The following PARVB variants were observed in gnomAD, a reference collection of about 807,000 sequenced individuals.
PARVB encodes the protein parvin beta.
In PARVB, 46 loss-of-function variants were observed where a neutral mutation model predicts 47.0. That is an observed-to-expected ratio of 0.98 (90% CI 0.77 to 1.25). The LOEUF (loss-of-function observed/expected upper bound fraction) is 1.25, where lower values mean the gene tolerates loss of function less well. Among genes scored for constraint, PARVB ranks in the 50% most tolerant of loss-of-function variants. The probability of loss-of-function intolerance (pLI) is 0.00; values close to 1 mark genes in which losing one functional copy is unlikely to be tolerated. For missense variants in PARVB, 473 were observed against 471.6 expected (o/e 1.00, Z -0.03); for synonymous variants, 196 against 196.3 (o/e 1.00, Z 0.01).
At chr22:44,132,555 T>G (rs958851901) in intron 5 of PARVB, among the ~76,000 whole-genome samples, 1 of 152,154 alleles carries the variant, frequency 6.6e-6, no homozygotes, top group African/African-American at 2.4e-5. Context: ...TTGTGATGGG[T>G]AAGTGGCCGT....
intron 6 of PARVB, 38 bp downstream of exon 6, chr22:44,133,047 G>A (rs749631951): frequency 1.7e-5 from 24 of 1,407,496 alleles, no homozygotes; most frequent in East Asian, 2.4e-5. Flanking sequence ...CTGTAACTCC[G>A]CCAGAGAGGC....
chr22:44,171,496 A>AAAAG lies in PARVB; in HGVS notation c.*2821_*2822insGAAA, dbSNP rs2054268504. On this transcript the variant is annotated 3_prime_UTR_variant, in exon 13 of 13. Coordinates refer to ENST00000338758, the MANE Select transcript of PARVB (RefSeq NM_013327.5). ...AGCAACAGAGTGAGACTCTGTCTCAAAAAAAAAAAAGAAAGAAAAAAGAAA... is the reference window on the plus strand; with the variant it reads ...AGCAACAGAGTGAGACTCTGTCTCAAAAAGAAAAAAAAAAGAAAGAAAAAAGAAA... 6.6e-6 allele frequency: 1 copy of AAAAG among 150,620 alleles called. No individual in the cohort carries two copies. The highest frequency in any genetic ancestry group is 6.6e-5 in the Admixed American group (1 of 15,082). The allele number at this position is 150,620 out of a possible 1,614,324, so 9.3% of individuals were successfully genotyped here.
At chr22:43,999,810 A>G (rs939052815) in intron 2 of PARVB, 3 of 433,800 alleles carry the variant, frequency 6.9e-6, no homozygotes, top group Non-Finnish European at 8.2e-6. Context: ...TACTCTGCAC[A>G]ACATAGTGAA....
chr22:44,141,990 C>T (rs369225700), intron 8 of PARVB: 4 of 152,232 alleles, frequency 2.6e-5, no homozygotes, highest in East Asian at 1.9e-4. Flanking sequence ...GGTAGAGGCG[C>T]GTTTTGGGGG....
intron 1 of PARVB, among the ~76,000 whole-genome samples, chr22:44,037,589 C>T (rs2050944086): frequency 6.6e-6 from 1 of 152,174 alleles, no homozygotes; most frequent in African/African-American, 2.4e-5. Context: ...TGGTTATTCC[C>T]ATTTTGCAGA....
At chr22:44,087,214 G>A (rs1485913858) in intron 1 of PARVB, among the ~76,000 whole-genome samples, 1 of 152,176 alleles carries the variant, frequency 6.6e-6, no homozygotes, top group African/African-American at 2.4e-5. Flanking sequence ...GTTCAGACGG[G>A]GCCCTCTGAA....
rs1256051929 is a variant in PARVB at position 44,068,596 on chromosome 22, T to A, written c.113-25332T>A. ...TGGAAACGGGGTGGCAAGTGTTCCA[T>A]GTGTTAGCATTTGGTCCTCCTGACG... is the stretch of plus-strand genomic sequence containing the variant. On this transcript the variant is annotated intron_variant, in intron 1 of 12. Coordinates refer to ENST00000338758, the MANE Select transcript of PARVB (RefSeq NM_013327.5). The surrounding 1 kb of genome is among the most constrained non-coding windows in gnomAD (Gnocchi z 4.1). Among the ~76,000 whole-genome samples the A allele has an allele frequency of 6.6e-6, 1 of 152,176 alleles. No individual in the cohort carries two copies. The highest frequency in any genetic ancestry group is 1.5e-5 in the Non-Finnish European group (1 of 68,030).
chr22:44,004,399 C>A (rs900893163), intron 2 of PARVB, among the ~76,000 whole-genome samples: 1 of 151,870 alleles, frequency 6.6e-6, no homozygotes, highest in African/African-American at 2.4e-5. Context: ...AAAGTGTGAC[C>A]CCCCCCTTAC....
chr22:44,067,453 G>A (rs1025072324), intron 1 of PARVB, among the ~76,000 whole-genome samples: 2 of 152,202 alleles, frequency 1.3e-5, no homozygotes, highest in Admixed American at 1.3e-4. Flanking sequence ...CCAGCCCCAG[G>A]CATCTCCTTG....
intron 10 of PARVB, chr22:44,152,927 A>C (rs1245249551): frequency 6.6e-6 from 1 of 152,194 alleles, no homozygotes; most frequent in Non-Finnish European, 1.5e-5. Flanking sequence ...TTCATTGTAG[A>C]AATGTCTGAA....
chr22:44,131,221 A>C (rs1601653492), intron 4 of PARVB, among the ~76,000 whole-genome samples: 1 of 150,300 alleles, frequency 6.7e-6, no homozygotes, highest in Non-Finnish European at 1.5e-5. Context: ...GGCTTACTGC[A>C]ACCTCCACCT....
chr22:44,151,029 CAAAA>C (rs35913551), intron 9 of PARVB: 36 of 51,692 alleles, frequency 7.0e-4, no homozygotes, highest in South Asian at 4.4e-3. Context: ...GAGACTGTCT[CAAAA>C]AAAAAAAAAA....
intron 1 of PARVB, chr22:44,039,866 G>A (rs558912305): frequency 2.2e-6 from 1 of 455,796 alleles, no homozygotes; most frequent in South Asian, 1.6e-5. Flanking sequence ...CCAGGCTGAA[G>A]TGCAGTGGTG....
chr22:44,079,819 T>C (rs1309246400), intron 1 of PARVB, among the ~76,000 whole-genome samples: 2 of 152,076 alleles, frequency 1.3e-5, no homozygotes, highest in African/African-American at 4.8e-5. Context: ...TCCCAGCTAC[T>C]TGGGAGGCTG....
intron 1 of PARVB, among the ~76,000 whole-genome samples, chr22:44,085,425 C>T (rs2052002040): frequency 6.6e-6 from 1 of 152,180 alleles, no homozygotes; most frequent in African/African-American, 2.4e-5. Flanking sequence ...TCTTCCCAGC[C>T]TCCTGGGTAG....
intron 1 of PARVB, among the ~76,000 whole-genome samples, chr22:44,074,111 G>A (rs765932642): frequency 2.0e-5 from 3 of 152,214 alleles, no homozygotes; most frequent in Non-Finnish European, 4.4e-5. Context: ...TCTGAGGCAG[G>A]AGCCAGGGGT....
intron 1 of PARVB, among the ~76,000 whole-genome samples, chr22:44,026,737 C>T (rs1203050952): frequency 6.6e-6 from 1 of 151,560 alleles, no homozygotes; most frequent in African/African-American, 2.4e-5. Context: ...GCTGCACCGT[C>T]GGCTTCATTT....
At chr22:44,056,370 A>G (rs1484316709) in intron 1 of PARVB, among the ~76,000 whole-genome samples, 3 of 152,214 alleles carry the variant, frequency 2.0e-5, no homozygotes, top group Non-Finnish European at 2.9e-5. Flanking sequence ...AAGGGCACAC[A>G]CACGGATGCA....
intron 10 of PARVB, among the ~76,000 whole-genome samples, chr22:44,154,571 G>GGT (rs143980386): frequency 3.9e-4 from 55 of 141,920 alleles, no homozygotes; most frequent in Non-Finnish European, 7.3e-4. Context: ...TATGTAGTCT[G>GGT]GTGTGTGTGT....
Sources: gnomAD v4.1 joint callset for allele counts (sites outside exome capture counted in the v4.1 genomes callset) on GRCh38, gnomAD v4.1.1 for gene constraint, Gnocchi (gnomAD v3.1) non-coding constraint, MANE v1.5 for transcripts, NCBI Gene and HGNC (gene_info 2026-07-23, HGNC 2026-07-21) for gene names.